The following VAC14 variants were observed in gnomAD, a reference collection of about 807,000 sequenced individuals.
VAC14 encodes protein VAC14 homolog.
A neutral mutation model predicts 85.3 loss-of-function variants in VAC14; 47 were observed. That is an observed-to-expected ratio of 0.55 (90% CI 0.44 to 0.70). The LOEUF (loss-of-function observed/expected upper bound fraction) is 0.70. Among genes scored for constraint, VAC14 ranks in the 30% least tolerant of loss-of-function variants. The pLI is 0.00. For missense variants in VAC14, 861 were observed against 1,004.3 expected (o/e 0.86, Z 1.93); for synonymous variants, 447 against 430.5 (o/e 1.04, Z -0.47).
At chr16:70,781,539 C>A (rs945694481) in intron 8 of VAC14, among the ~76,000 whole-genome samples, 2 of 152,142 alleles carry the variant, frequency 1.3e-5, no homozygotes, top group African/African-American at 4.8e-5. Flanking sequence ...CCTATTTCTT[C>A]TCTTAGGACC....
intron 9 of VAC14, 95 bp downstream of exon 9, chr16:70,780,695 C>T: frequency 1.4e-6 from 2 of 1,447,938 alleles, no homozygotes; most frequent in South Asian, 1.4e-5. Context: ...TAAAGTAGTC[C>T]TGGTTGCTTA....
rs545782315 is a variant in VAC14, at chr16:70,734,031, C to A, written c.1529-2404G>T. Reference sequence around the variant, plus strand: ...TAGAGGTGGGGTTTCACCATGTTAGCCAGGATGGTCTCAATCTCCTGATCT... The same window carrying A: ...TAGAGGTGGGGTTTCACCATGTTAGACAGGATGGTCTCAATCTCCTGATCT... On this transcript the variant is annotated intron_variant, in intron 13 of 18. Coordinates refer to ENST00000261776, the MANE Select transcript of VAC14 (RefSeq NM_018052.5). Among the ~76,000 whole-genome samples the A allele has an allele frequency of 1.8e-4, 28 of 152,150 alleles. 1 individual carries two copies. Among genetic ancestry groups the A allele is most frequent in the Admixed American group, 1.7e-3 (26 of 15,274 alleles).
At chr16:70,690,895 G>A in intron 18 of VAC14, 1 of 985,402 alleles carries the variant, frequency 1.0e-6, no homozygotes, top group Non-Finnish European at 1.2e-6. Context: ...TTGAAGGCTA[G>A]GGGGTGTCTC....
intron 18 of VAC14, 139 bp downstream of exon 18, chr16:70,692,682 G>A: frequency 8.5e-7 from 1 of 1,177,020 alleles, no homozygotes; most frequent in South Asian, 1.4e-5. Context: ...GGGGGGGATG[G>A]TGGTCACAGT....
At position 70,785,713 on chromosome 16, in the gene VAC14, C is replaced by T. The variant is rs760112833; in HGVS notation, c.412G>A (p.Gly138Arg). 40 of 1,560,068 alleles carry T rather than the reference C, an allele frequency of 2.6e-5. No homozygotes were observed. The highest frequency in any genetic ancestry group is 2.0e-4 in the South Asian group (17 of 84,616). ...VLPHFNVLFD[G>R]LSKLAADPDP... is the part of the protein sequence containing the mutation. ...AGGAGGGCGGTTACCTTGCTCAGCCCGTCAAAGAGCACGTTGAAGTGGGGC... is the reference window on the plus strand; with the variant it reads ...AGGAGGGCGGTTACCTTGCTCAGCCTGTCAAAGAGCACGTTGAAGTGGGGC... Residue 138 changes from glycine (G) to arginine (R), a missense_variant, in exon 3 of 19, where the codon GGG becomes AGG. Gly to Arg is a moderately radical substitution (Grantham distance 125). Transcript: ENST00000261776.
chr16:70,688,802 C>G (rs2053545805), intron 18 of VAC14: 2 of 985,654 alleles, frequency 2.0e-6, no homozygotes, highest in South Asian at 9.4e-5. Flanking sequence ...AAGCCCAGTG[C>G]TTAGCTTGCC....
At chr16:70,743,730 G>A (rs1269763596) in intron 13 of VAC14, among the ~76,000 whole-genome samples, 1 of 152,238 alleles carries the variant, frequency 6.6e-6, no homozygotes, top group African/African-American at 2.4e-5. Context: ...TAGGAGCCCT[G>A]TGTGGATGTC....
At chr16:70,771,384 T>A (rs1347791324) in intron 10 of VAC14, 1 of 152,202 alleles carries the variant, frequency 6.6e-6, no homozygotes, top group East Asian at 1.9e-4. Flanking sequence ...CAGGCTGTCC[T>A]TGAACAGACT....
chr16:70,712,210 G>C (rs780694061), intron 14 of VAC14, among the ~76,000 whole-genome samples: 1 of 152,142 alleles, frequency 6.6e-6, no homozygotes, highest in African/African-American at 2.4e-5. Context: ...GATTAAACGC[G>C]TGAGAAATAA....
At chr16:70,704,659 C>G (rs555435307) in intron 14 of VAC14, among the ~76,000 whole-genome samples, 12 of 152,226 alleles carry the variant, frequency 7.9e-5, no homozygotes, top group East Asian at 5.8e-4. Flanking sequence ...GGGAGCAGTT[C>G]CTTTTAGGAC....
At chr16:70,756,988 T>G (rs1282623596) in intron 12 of VAC14, among the ~76,000 whole-genome samples, 1 of 151,520 alleles carries the variant, frequency 6.6e-6, no homozygotes, top group African/African-American at 2.4e-5. Context: ...AGAAAGGTGG[T>G]TCTCATTTCT....
intron 14 of VAC14, chr16:70,731,204 A>C: frequency 3.2e-6 from 3 of 945,406 alleles, no homozygotes; most frequent in Non-Finnish European, 4.0e-6. Flanking sequence ...AAAGCCTGAC[A>C]ATGGCATTGA....
At chr16:70,777,754 T>C (rs1386618964) in intron 9 of VAC14, among the ~76,000 whole-genome samples, 2 of 152,112 alleles carry the variant, frequency 1.3e-5, no homozygotes, top group Non-Finnish European at 2.9e-5. Flanking sequence ...CCCGGAGGTG[T>C]GCCATGAGGA....
intron 9 of VAC14, among the ~76,000 whole-genome samples, chr16:70,774,739 C>T (rs2033430289): frequency 6.9e-6 from 1 of 143,988 alleles, no homozygotes; most frequent in African/African-American, 2.7e-5. Context: ...CTCCCTCCCT[C>T]CCTTCCTTCC....
chr16:70,707,456 A>G (rs1042429649), intron 14 of VAC14, among the ~76,000 whole-genome samples: 2 of 152,166 alleles, frequency 1.3e-5, no homozygotes, highest in African/African-American at 2.4e-5. Context: ...CAGTCCTCTT[A>G]GCCATCTGTC....
intron 14 of VAC14, among the ~76,000 whole-genome samples, chr16:70,725,923 C>T (rs574768585): frequency 1.3e-5 from 2 of 152,370 alleles, no homozygotes; most frequent in East Asian, 3.9e-4. Flanking sequence ...CAAGCATTCT[C>T]CACCAGTCCT....
Position 70,801,154 on chromosome 16 carries a change from G to C in VAC14, c.-254C>G, listed in dbSNP as rs1223160238. The C allele has an allele frequency of 9.9e-6, 4 of 405,298 alleles. No individual in the cohort carries two copies. Among genetic ancestry groups the C allele is most frequent in the Non-Finnish European group, 1.7e-5 (4 of 229,102 alleles). The allele number at this position is 405,298 out of a possible 1,614,324, so 25.1% of individuals were successfully genotyped here. ...TCACGAGACAGCGGCCATGTTACTC[G>C]AGTCACATGACTCTACAGCACTTCC... On this transcript the variant is annotated 5_prime_UTR_variant, in exon 1 of 19. Coordinates refer to ENST00000261776, the MANE Select transcript of VAC14 (RefSeq NM_018052.5).
At chr16:70,786,388 C>A (rs2034060817) in intron 1 of VAC14, 23 bp from the exon 2 acceptor site, 6 of 1,608,704 alleles carry the variant, frequency 3.7e-6, no homozygotes, top group Non-Finnish European at 5.1e-6. Flanking sequence ...GAGAGAGGGG[C>A]TGTGGGAATC....
At position 70,744,660 on chromosome 16, in the gene VAC14, C is replaced by G. The variant is rs961937017; in HGVS notation, c.1372-81G>C. 4.3e-5 allele frequency: 63 copies of G among 1,476,374 alleles called. No homozygotes were observed. In the African/African-American group the frequency reaches 8.1e-4, roughly 19 times the overall value. The allele number at this position is 1,476,374 out of a possible 1,614,324, so 91.5% of individuals were successfully genotyped here. ...CTGGGCAGAGGTGCGGTTGGTGGCA[C>G]ACAGCCACCTGCAGGGGTGGGAGGG... On this transcript the variant is annotated intron_variant, in intron 12 of 18. Transcript: ENST00000261776.
Sources: gnomAD v4.1 joint callset for allele counts (sites outside exome capture counted in the v4.1 genomes callset) on GRCh38, gnomAD v4.1.1 for gene constraint, MANE v1.5 for transcripts, NCBI Gene and HGNC (gene_info 2026-07-23, HGNC 2026-07-21) for gene names.